The following DNAJC17 variants were observed in gnomAD, a reference collection of about 807,000 sequenced individuals.
DNAJC17 encodes the protein DnaJ heat shock protein family (Hsp40) member C17.
DNAJC17 carries 35 observed loss-of-function variants against 48.1 expected under a neutral mutation model. That is an observed-to-expected ratio of 0.73 (90% CI 0.56 to 0.96). The LOEUF (loss-of-function observed/expected upper bound fraction) is 0.96. Among genes scored for constraint, DNAJC17 ranks in the 50% least tolerant of loss-of-function variants. The pLI is 0.00. For missense variants in DNAJC17, 355 were observed against 377.1 expected, an observed-to-expected ratio of 0.94 and a Z score of 0.48; for synonymous variants, 117 against 142.7, an observed-to-expected ratio of 0.82 and a Z score of 1.28.
At chr15:40,778,314 C>T (rs932864405) in intron 4 of DNAJC17, among the ~76,000 whole-genome samples, 1 of 152,112 alleles carries the variant, frequency 6.6e-6, no homozygotes, top group Non-Finnish European at 1.5e-5. Context: ...AGCACAGCAG[C>T]GTGATCTCAG....
In DNAJC17 at chr15:40,791,895, G is replaced by C. The variant is rs115570640; in HGVS notation, c.79-11898C>G. Among the ~76,000 whole-genome samples the C allele has an allele frequency of 2.0e-3, 301 of 152,184 alleles. 4 individuals carry two copies. In the East Asian group the frequency reaches 0.026, roughly 13 times the overall value. ...AACAGGCTCAGTACCCAACCTCAAG[G>C]CCTCAGCACCTGGTCTAGATATAAG... On this transcript the variant is annotated intron_variant, in intron 1 of 10. Transcript: ENST00000220496.
chr15:40,795,097 A>T (rs1889913378), intron 1 of DNAJC17, among the ~76,000 whole-genome samples: 1 of 152,064 alleles, frequency 6.6e-6, no homozygotes, highest in Admixed American at 6.6e-5. Context: ...CTCTCTAGGA[A>T]ATCATCAGCT....
rs1162001252 is a variant in DNAJC17, at chr15:40,777,281, CTTTTTT to C, written c.296-660_296-655del. Among the ~76,000 whole-genome samples the C allele has an allele frequency of 5.4e-3, 710 of 131,554 alleles. 2 individuals carry two copies. Among genetic ancestry groups the C allele is most frequent in the Non-Finnish European group, 9.6e-3 (593 of 61,556 alleles). 86.3% of individuals were successfully genotyped at this position (131,554 alleles called of 152,430 possible). On this transcript the variant is annotated intron_variant, in intron 4 of 10. Coordinates refer to ENST00000220496, the MANE Select transcript of DNAJC17 (RefSeq NM_018163.3). ...TTAGACTCTCCTTTTCTCTCTCTCT[CTTTTTT>C]TTTTTTTTTTTTTGAGATGGGGTCT...
At chr15:40,790,239 G>A (rs976261911) in intron 1 of DNAJC17, among the ~76,000 whole-genome samples, 19 of 152,094 alleles carry the variant, frequency 1.2e-4, no homozygotes, top group African/African-American at 4.1e-4. Context: ...AATTGGTCCT[G>A]AAGTGTGGGT....
intron 4 of DNAJC17, 61 bp downstream of exon 4, chr15:40,779,162 G>T: frequency 6.7e-7 from 1 of 1,502,860 alleles, no homozygotes; most frequent in Non-Finnish European, 9.3e-7. Flanking sequence ...TTCAGGTGAG[G>T]GAGATGAATG....
intron 1 of DNAJC17, chr15:40,792,562 C>A: frequency 1.0e-6 from 1 of 982,702 alleles, no homozygotes; most frequent in Non-Finnish European, 1.2e-6. Flanking sequence ...TGCCTGTAAT[C>A]CTGGCACTTT....
intron 1 of DNAJC17, among the ~76,000 whole-genome samples, chr15:40,793,865 T>G (rs1889876335): frequency 6.6e-6 from 1 of 152,050 alleles, no homozygotes; most frequent in Non-Finnish European, 1.5e-5. Context: ...AGCGGTTAAA[T>G]ATTTGCTCCA....
At chr15:40,801,823 A>G (rs571104310) in intron 1 of DNAJC17, among the ~76,000 whole-genome samples, 1 of 152,260 alleles carries the variant, frequency 6.6e-6, no homozygotes, top group Non-Finnish European at 1.5e-5. Flanking sequence ...AGGGAGTAGC[A>G]AGATCATTCC....
In DNAJC17 at chr15:40,767,746, C is replaced by T. The variant is rs2057011244; in HGVS notation, c.*194G>A. 1.3e-6 allele frequency: 1 copy of T among 746,356 alleles called. No homozygotes were observed. The highest frequency in any genetic ancestry group is 2.1e-6 in the Non-Finnish European group (1 of 478,030). 46.2% of individuals were successfully genotyped at this position (746,356 alleles called of 1,614,324 possible). On this transcript the variant is annotated 3_prime_UTR_variant, in exon 11 of 11. Coordinates refer to ENST00000220496, the MANE Select transcript of DNAJC17 (RefSeq NM_018163.3). Reference sequence around the variant, plus strand: ...CTCTGCTTGTGCACGGACTCTGGGACTCTCACCCTGCGGAGCGTTTCCCTG... The same window carrying T: ...CTCTGCTTGTGCACGGACTCTGGGATTCTCACCCTGCGGAGCGTTTCCCTG...
chr15:40,798,952 G>T (rs188090234), intron 1 of DNAJC17, among the ~76,000 whole-genome samples: 5 of 152,282 alleles, frequency 3.3e-5, no homozygotes, highest in Non-Finnish European at 5.9e-5. Context: ...GGGCGCGGTG[G>T]CTCACGCCTG....
intron 1 of DNAJC17, among the ~76,000 whole-genome samples, chr15:40,795,190 T>C (rs1028211014): frequency 5.4e-5 from 8 of 147,556 alleles, no homozygotes; most frequent in African/African-American, 1.8e-4. Context: ...GGCGGGAGGA[T>C]TGCTTCCATG....
intron 2 of DNAJC17, 55 bp from the exon 3 acceptor site, chr15:40,779,658 G>A: frequency 4.5e-6 from 7 of 1,561,508 alleles, no homozygotes; most frequent in Non-Finnish European, 6.1e-6. Flanking sequence ...CTTCGTAATG[G>A]TGTGCTCCCT....
chr15:40,768,152 T>G, intron 10 of DNAJC17, 90 bp from the exon 11 acceptor site: 1 of 1,419,804 alleles, frequency 7.0e-7, no homozygotes, highest in Non-Finnish European at 9.2e-7. Flanking sequence ...AGTGCTGCGT[T>G]CTAAGAGTCT....
At position 40,779,325 on chromosome 15, in the gene DNAJC17, G is replaced by A. The variant is rs1333431580; in HGVS notation, c.208-15C>T. The A allele has an allele frequency of 6.2e-7, 1 of 1,613,510 alleles. No individual in the cohort carries two copies. The highest frequency in any genetic ancestry group is 8.5e-7 in the Non-Finnish European group (1 of 1,179,826). On this transcript the variant is annotated splice_polypyrimidine_tract_variant and intron_variant, in intron 3 of 10. Transcript: ENST00000220496. ...TCATATGCAGCCTGGCAGGAGAAAG[G>A]GGCACAGGGCAGAGGGTCAGTGAGA...
chr15:40,801,399 C>A (rs1890068179), intron 1 of DNAJC17, among the ~76,000 whole-genome samples: 1 of 152,096 alleles, frequency 6.6e-6, no homozygotes, highest in Non-Finnish European at 1.5e-5. Flanking sequence ...AAAAGCAACC[C>A]AGATTAGCAG....
At chr15:40,774,677 C>T (rs3784289) in intron 8 of DNAJC17, among the ~76,000 whole-genome samples, 83,708 of 152,222 alleles carry the variant, frequency 0.55, 23,901 homozygotes, top group African/African-American at 0.7. Flanking sequence ...TAGACTGACA[C>T]ATTTCATTGC....
chr15:40,800,345 G>T (rs546445259), intron 1 of DNAJC17, among the ~76,000 whole-genome samples: 1 of 152,282 alleles, frequency 6.6e-6, no homozygotes, highest in South Asian at 2.1e-4. Flanking sequence ...TGGGATTACA[G>T]GCGTGTGCCA....
At chr15:40,776,754 C>G in intron 4 of DNAJC17, 127 bp from the exon 5 acceptor site, 2 of 857,428 alleles carry the variant, frequency 2.3e-6, no homozygotes, top group Non-Finnish European at 3.8e-6. Context: ...ACTCTGCCCC[C>G]TCCCTCCATG....
intron 1 of DNAJC17, among the ~76,000 whole-genome samples, chr15:40,792,902 T>TG (rs1889843826): frequency 6.7e-6 from 1 of 149,232 alleles, no homozygotes; most frequent in South Asian, 2.2e-4. Flanking sequence ...CTTCTTTTTT[T>TG]TTTTTTTTTT....
Sources: gnomAD v4.1 joint callset for allele counts (sites outside exome capture counted in the v4.1 genomes callset) on GRCh38, gnomAD v4.1.1 for gene constraint, MANE v1.5 for transcripts, NCBI Gene and HGNC (gene_info 2026-07-23, HGNC 2026-07-21) for gene names.